DOCK8: variants seen among roughly 807,000 people sequenced by gnomAD.
DOCK8 encodes dedicator of cytokinesis 8, also known as dedicator of cytokinesis protein 8.
DOCK8 carries 141 observed loss-of-function variants against 245.6 expected under a neutral mutation model. The observed-to-expected ratio is 0.57, with a 90% CI of 0.50 to 0.66. The LOEUF (loss-of-function observed/expected upper bound fraction) is 0.66, where lower values mean the gene tolerates loss of function less well. DOCK8 is among the 30% of genes least tolerant of loss of function. DOCK8 has a pLI of 0.00. For missense variants in DOCK8, 2,965 were observed against 2,603.4 expected (o/e 1.14, Z -3.02); for synonymous variants, 1,168 against 970.2 (o/e 1.20, Z -3.79).
chr9:371,825 C>T (rs558788617), intron 17 of DOCK8, among the ~76,000 whole-genome samples: 2 of 152,188 alleles, frequency 1.3e-5, no homozygotes, highest in Admixed American at 6.5e-5. Flanking sequence ...TCACTATTTC[C>T]AAATTTAATA....
chr9:228,320 A>C (rs1222352941), intron 1 of DOCK8, among the ~76,000 whole-genome samples: 1 of 152,180 alleles, frequency 6.6e-6, no homozygotes, highest in African/African-American at 2.4e-5. Flanking sequence ...AATATGCAAC[A>C]AATTTTTCTT....
intron 36 of DOCK8, among the ~76,000 whole-genome samples, chr9:430,690 A>AGAAATG (rs2056675196): frequency 6.6e-6 from 1 of 152,006 alleles, no homozygotes; most frequent in South Asian, 2.1e-4. Context: ...AAAGAAAGAA[A>AGAAATG]GAAATGGAAG....
chr9:307,717 T>A (rs1337076500), intron 5 of DOCK8, among the ~76,000 whole-genome samples: 1 of 152,154 alleles, frequency 6.6e-6, no homozygotes, highest in Admixed American at 6.6e-5. Context: ...CTACTAGATA[T>A]ATGTCCAGAG....
chr9:450,055 A>T, intron 45 of DOCK8, 128 bp downstream of exon 45: 1 of 1,063,758 alleles, frequency 9.4e-7, no homozygotes. Context: ...ATGTTCCTAC[A>T]CTTAACCTGA....
At chr9:414,755 C>T (rs752670084) in intron 28 of DOCK8, 27 bp from the exon 29 acceptor site, 19 of 1,613,982 alleles carry the variant, frequency 1.2e-5, no homozygotes, top group Non-Finnish European at 1.6e-5. Context: ...TCACCATAAC[C>T]TCTTGATTCC....
Position 254,609 on chromosome 9 carries a change from C to T in DOCK8, c.54-17018C>T, listed in dbSNP as rs10966316. ...ATGTTGACTTGTGCTATCCTGGGAA[C>T]CTTGACCTTCCTGCATTATGGATAA... is the stretch of plus-strand genomic sequence containing the variant. On this transcript the variant is annotated intron_variant, in intron 1 of 47. Coordinates refer to ENST00000432829, the MANE Select transcript of DOCK8 (RefSeq NM_203447.4). Among the ~76,000 whole-genome samples, 369 of 152,258 alleles carry T rather than the reference C, an allele frequency of 2.4e-3. 1 individual carries two copies. Among genetic ancestry groups the T allele is most frequent in the African/African-American group, 8.5e-3 (355 of 41,554 alleles).
chr9:267,758 T>C (rs1048130233), intron 1 of DOCK8, among the ~76,000 whole-genome samples: 4 of 152,252 alleles, frequency 2.6e-5, no homozygotes, highest in Admixed American at 6.5e-5. Context: ...AAAAATGATA[T>C]CCCATATATT....
At chr9:313,490 C>A (rs74430928) in intron 6 of DOCK8, among the ~76,000 whole-genome samples, 190 of 152,188 alleles carry the variant, frequency 1.2e-3, no homozygotes, top group African/African-American at 4.2e-3. Flanking sequence ...TTGTCAGCAG[C>A]CTCAAATGGT....
intron 16 of DOCK8, 125 bp downstream of exon 16, chr9:370,425 T>C: frequency 1.2e-6 from 1 of 818,882 alleles, no homozygotes; most frequent in Non-Finnish European, 2.1e-6. Context: ...GCAAAGGAAA[T>C]CCATGCCAGT....
intron 2 of DOCK8, among the ~76,000 whole-genome samples, chr9:284,788 G>T (rs1044394656): frequency 6.6e-6 from 1 of 152,190 alleles, no homozygotes; most frequent in East Asian, 1.9e-4. Context: ...CATGCCTTTT[G>T]TGGGAACATG....
intron 11 of DOCK8, among the ~76,000 whole-genome samples, chr9:336,055 T>C (rs1229789448): frequency 1.3e-5 from 2 of 152,162 alleles, no homozygotes; most frequent in South Asian, 2.1e-4. Context: ...CTAATTCCCA[T>C]TGGGCAGATC....
intron 30 of DOCK8, among the ~76,000 whole-genome samples, chr9:418,734 A>G (rs2056144358): frequency 6.6e-6 from 1 of 152,212 alleles, no homozygotes; most frequent in Non-Finnish European, 1.5e-5. Flanking sequence ...AGGCAGTCCC[A>G]GTGGTGCTGA....
In DOCK8 at chr9:422,432, T is replaced by C. The variant is rs190492386; in HGVS notation, c.4241+297T>C. On this transcript the variant is annotated intron_variant, in intron 33 of 47. Coordinates refer to ENST00000432829, the MANE Select transcript of DOCK8 (RefSeq NM_203447.4). ...TTTTGCAGGGAGGGTAGCAGGGAAATAGAGAAAGCAGGACACGGTGCCTAG... is the reference window on the plus strand; with the variant it reads ...TTTTGCAGGGAGGGTAGCAGGGAAACAGAGAAAGCAGGACACGGTGCCTAG... 4.1e-3 allele frequency among the ~76,000 whole-genome samples: 622 copies of C among 152,230 alleles called. 8 individuals are homozygous for C. Among genetic ancestry groups the C allele is most frequent in the African/African-American group, 0.015 (604 of 41,534 alleles).
At chr9:298,364 G>C (rs1367886932) in intron 4 of DOCK8, among the ~76,000 whole-genome samples, 1 of 152,218 alleles carries the variant, frequency 6.6e-6, no homozygotes, top group Non-Finnish European at 1.5e-5. Flanking sequence ...GGCGGAGGTT[G>C]CAGTGAGCCA....
chr9:453,054 G>A (rs1471086674), intron 46 of DOCK8: 3 of 152,250 alleles, frequency 2.0e-5, no homozygotes, highest in Admixed American at 1.3e-4. Flanking sequence ...GGCAGATGGG[G>A]ATAAAGGAGA....
At chr9:328,941 C>CTTTTTT (rs1165346763) in intron 9 of DOCK8, among the ~76,000 whole-genome samples, 2 of 71,348 alleles carry the variant, frequency 2.8e-5, no homozygotes, top group Non-Finnish European at 5.4e-5. Flanking sequence ...CTTATTGATT[C>CTTTTTT]TTTTTTTTTT....
At chr9:335,626 T>C (rs1307713497) in intron 11 of DOCK8, among the ~76,000 whole-genome samples, 3 of 152,102 alleles carry the variant, frequency 2.0e-5, no homozygotes, top group Admixed American at 1.3e-4. Context: ...AAGTAACTTA[T>C]TGATAAGAGT....
intron 1 of DOCK8, among the ~76,000 whole-genome samples, chr9:238,956 T>TC (rs140451367): frequency 1.5e-5 from 1 of 65,022 alleles, no homozygotes; most frequent in African/African-American, 3.5e-5. Context: ...ACACACACTC[T>TC]CACTGGGACC....
chr9:237,549 G>A (rs2047282717), intron 1 of DOCK8, among the ~76,000 whole-genome samples: 1 of 152,214 alleles, frequency 6.6e-6, no homozygotes, highest in South Asian at 2.1e-4. Flanking sequence ...CAGTTACTCA[G>A]GAGGCCAAGA....
Sources: allele counts gnomAD v4.1 joint callset (sites outside exome capture counted in the v4.1 genomes callset), GRCh38; gene constraint gnomAD v4.1.1; transcripts MANE v1.5; gene names NCBI Gene and HGNC (gene_info 2026-07-23, HGNC 2026-07-21).